Variants in KCNAB1 observed in about 807,000 individuals in gnomAD.
The protein encoded by KCNAB1 is voltage-gated potassium channel subunit beta-1.
KCNAB1 carries 35 observed loss-of-function variants against 64.6 expected under a neutral mutation model. The ratio of observed to expected loss-of-function variants is 0.54; its 90% CI spans 0.41 to 0.72. The LOEUF (loss-of-function observed/expected upper bound fraction) is 0.72, where lower values mean the gene tolerates loss of function less well. KCNAB1 is among the 30% of genes least tolerant of loss of function. The pLI is 0.00. For synonymous variants in KCNAB1, 177 were observed against 183.8 expected, an observed-to-expected ratio of 0.96 and a Z score of 0.30; for missense variants, 401 against 512.9, an observed-to-expected ratio of 0.78 and a Z score of 2.11.
At chr3:156,226,096 C>T (rs1283797531) in intron 1 of KCNAB1, among the ~76,000 whole-genome samples, 2 of 152,032 alleles carry the variant, frequency 1.3e-5, no homozygotes, top group East Asian at 1.9e-4. Context: ...CAAAAAAGAG[C>T]CCACAGAGCC....
At chr3:156,514,226 G>A (rs1717407380) in intron 8 of KCNAB1, 138 bp from the exon 9 acceptor site, 11 of 631,156 alleles carry the variant, frequency 1.7e-5, no homozygotes, top group Middle Eastern at 2.6e-4. Context: ...CTATAATGTT[G>A]TCACCAATAT....
chr3:156,479,071 C>T (rs576737318), intron 8 of KCNAB1, among the ~76,000 whole-genome samples: 18 of 152,160 alleles, frequency 1.2e-4, no homozygotes, highest in Non-Finnish European at 2.1e-4. Flanking sequence ...TCTGGTTCAC[C>T]TAGTAGTAAG....
At chr3:156,392,459 T>C (rs1046578346) in intron 1 of KCNAB1, among the ~76,000 whole-genome samples, 1 of 152,212 alleles carries the variant, frequency 6.6e-6, no homozygotes, top group African/African-American at 2.4e-5. Flanking sequence ...ATCACTCACT[T>C]ACTAATTTCT....
intron 2 of KCNAB1, among the ~76,000 whole-genome samples, chr3:156,428,392 A>G (rs1443090502): frequency 6.6e-6 from 1 of 151,926 alleles, no homozygotes; most frequent in Non-Finnish European, 1.5e-5. Context: ...GTAGAACTAT[A>G]CCATTAACTC....
rs145502397 is a variant in KCNAB1, at chr3:156,143,901, C to CTTTATTTA, written c.275+23047_275+23054dup. Among the ~76,000 whole-genome samples the CTTTATTTA allele has an allele frequency of 2.6e-3, 387 of 146,812 alleles. 3 individuals carry two copies. The highest frequency in any genetic ancestry group is 0.021 in the East Asian group (105 of 5,024). On this transcript the variant is annotated intron_variant, in intron 1 of 13. Transcript: ENST00000490337. ...TCAAGTTCTCCTTGAAATGACAGCA[C>CTTTATTTA]TTTATTTATTTATTTATTTATTTAT...
intron 1 of KCNAB1, among the ~76,000 whole-genome samples, chr3:156,154,218 AGTAGTGCAGAT>A (rs1715581822): frequency 1.2e-4 from 1 of 8,476 alleles, no homozygotes; most frequent in South Asian, 1.4e-3. Context: ...GGTCACCAGA[AGTAGTGCAGAT>A]AGTAGTGCAG....
intron 1 of KCNAB1, among the ~76,000 whole-genome samples, chr3:156,393,986 G>C (rs182826912): frequency 6.6e-6 from 1 of 152,158 alleles, no homozygotes; most frequent in African/African-American, 2.4e-5. Context: ...CACAAATGCA[G>C]GAATTAGATG....
chr3:156,225,859 T>G (rs944632022), intron 1 of KCNAB1, among the ~76,000 whole-genome samples: 18 of 152,134 alleles, frequency 1.2e-4, no homozygotes, highest in African/African-American at 4.3e-4. Flanking sequence ...TACATAGGAA[T>G]ATACCTAACC....
At chr3:156,291,925 C>T (rs1720462903) in intron 1 of KCNAB1, 1 of 1,614,142 alleles carries the variant, frequency 6.2e-7, no homozygotes, top group Non-Finnish European at 8.5e-7. Context: ...TCTCCATAGC[C>T]TGCACAGAGC....
intron 1 of KCNAB1, among the ~76,000 whole-genome samples, chr3:156,201,938 CTT>C (rs1714358884): frequency 6.6e-6 from 1 of 152,126 alleles, no homozygotes; most frequent in Admixed American, 6.5e-5. Flanking sequence ...TATCTGGGTG[CTT>C]TATTGTAAGC....
intron 8 of KCNAB1, among the ~76,000 whole-genome samples, chr3:156,510,875 G>A (rs545846890): frequency 1.8e-4 from 28 of 152,112 alleles, no homozygotes; most frequent in Non-Finnish European, 3.4e-4. Context: ...TTTGGCTGCC[G>A]GCTACCCAGC....
chr3:156,220,362 C>A (rs1715633466), intron 1 of KCNAB1, among the ~76,000 whole-genome samples: 1 of 152,358 alleles, frequency 6.6e-6, no homozygotes, highest in African/African-American at 2.4e-5. Flanking sequence ...TATTTCTCCA[C>A]ATCCTCTCCA....
intron 8 of KCNAB1, among the ~76,000 whole-genome samples, chr3:156,490,884 A>G (rs1715583345): frequency 6.6e-6 from 1 of 152,130 alleles, no homozygotes; most frequent in South Asian, 2.1e-4. Flanking sequence ...TGACGCAAAG[A>G]AACATTATCA....
At chr3:156,134,753 A>G (rs971468170) in intron 1 of KCNAB1, among the ~76,000 whole-genome samples, 1 of 152,246 alleles carries the variant, frequency 6.6e-6, no homozygotes, top group Non-Finnish European at 1.5e-5. Flanking sequence ...TGTAGTCTAC[A>G]TTTTATAAAT....
intron 8 of KCNAB1, among the ~76,000 whole-genome samples, chr3:156,486,342 A>G (rs1715214892): frequency 6.6e-6 from 1 of 152,144 alleles, no homozygotes; most frequent in Non-Finnish European, 1.5e-5. Flanking sequence ...CTTCAAAAGT[A>G]TAAAAGTTGA....
intron 3 of KCNAB1, among the ~76,000 whole-genome samples, chr3:156,454,774 G>T (rs747182574): frequency 1.3e-5 from 2 of 152,136 alleles, no homozygotes; most frequent in Non-Finnish European, 2.9e-5. Flanking sequence ...ATGGTGCTTG[G>T]AAGGGAAAAA....
At chr3:156,425,705 G>T (rs971592335) in intron 2 of KCNAB1, among the ~76,000 whole-genome samples, 1 of 152,236 alleles carries the variant, frequency 6.6e-6, no homozygotes, top group African/African-American at 2.4e-5. Flanking sequence ...GGTTACAGAA[G>T]ATACGAGGAC....
At chr3:156,360,618 G>A (rs1000720129) in intron 1 of KCNAB1, among the ~76,000 whole-genome samples, 1 of 151,948 alleles carries the variant, frequency 6.6e-6, no homozygotes, top group Non-Finnish European at 1.5e-5. Context: ...TGAGGCTTGA[G>A]GAGGGAGCAT....
At chr3:156,130,236 C>T (rs892780231) in intron 1 of KCNAB1, among the ~76,000 whole-genome samples, 3 of 152,246 alleles carry the variant, frequency 2.0e-5, no homozygotes, top group African/African-American at 7.2e-5. Flanking sequence ...CTGCACTGGA[C>T]ATGGGCTCTA....
Sources: gnomAD v4.1 joint callset for allele counts (sites outside exome capture counted in the v4.1 genomes callset) on GRCh38, gnomAD v4.1.1 for gene constraint, MANE v1.5 for transcripts, NCBI Gene and HGNC (gene_info 2026-07-23, HGNC 2026-07-21) for gene names.